LRP1B: variants seen among roughly 807,000 people sequenced by gnomAD.
LRP1B encodes low-density lipoprotein receptor-related protein 1B.
In LRP1B, 217 loss-of-function variants were observed where a neutral mutation model predicts 556.6. The ratio of observed to expected loss-of-function variants is 0.39; its 90% confidence interval spans 0.35 to 0.44. The LOEUF is 0.44. LRP1B is among the 20% of genes least tolerant of loss of function. LRP1B has a pLI of 1.00. For missense variants in LRP1B, 5,053 were observed against 5,620.8 expected (o/e 0.90, Z 3.23); for synonymous variants, 2,047 against 1,865.8 (o/e 1.10, Z -2.50).
intron 43 of LRP1B, among the ~76,000 whole-genome samples, chr2:140,594,545 A>G (rs1407140501): frequency 6.6e-6 from 1 of 152,192 alleles, no homozygotes; most frequent in Admixed American, 6.5e-5. Context: ...TCGAGGGCAC[A>G]CAAGGTCTAA....
At chr2:140,959,357 G>A (rs1213100516) in intron 18 of LRP1B, among the ~76,000 whole-genome samples, 2 of 151,410 alleles carry the variant, frequency 1.3e-5, no homozygotes, top group Non-Finnish European at 3.0e-5. Flanking sequence ...AACTGAATAG[G>A]AGATTCAAGT....
At chr2:140,657,685 A>G (rs1574203070) in intron 41 of LRP1B, among the ~76,000 whole-genome samples, 1 of 149,866 alleles carries the variant, frequency 6.7e-6, no homozygotes, top group East Asian at 1.9e-4. Context: ...ATATATAAAT[A>G]CAACATTATG....
At chr2:141,810,121 G>A (rs1168741829) in intron 2 of LRP1B, among the ~76,000 whole-genome samples, 158 bp downstream of exon 2, 1 of 86,586 alleles carries the variant, frequency 1.2e-5, no homozygotes, top group Non-Finnish European at 2.5e-5. Context: ...GAAAAAGAAA[G>A]AAAGAAAGAA....
intron 18 of LRP1B, among the ~76,000 whole-genome samples, chr2:140,970,227 T>G (rs763608070): frequency 7.2e-5 from 11 of 152,208 alleles, no homozygotes; most frequent in Admixed American, 1.3e-4. Context: ...CATTTCTTTT[T>G]ACTCTTTTTT....
chr2:141,786,444 T>A (rs567861427), intron 2 of LRP1B, among the ~76,000 whole-genome samples: 4 of 152,056 alleles, frequency 2.6e-5, no homozygotes, highest in Admixed American at 2.6e-4. Flanking sequence ...GAAAACCAAT[T>A]TGAATATGAA....
intron 2 of LRP1B, among the ~76,000 whole-genome samples, chr2:141,587,578 A>G (rs1206218516): frequency 6.6e-6 from 1 of 152,186 alleles, no homozygotes; most frequent in Non-Finnish European, 1.5e-5. Flanking sequence ...TGTGAATAAT[A>G]TGCAAAATTC....
intron 2 of LRP1B, among the ~76,000 whole-genome samples, chr2:141,769,030 T>C (rs778278293): frequency 6.6e-6 from 1 of 152,158 alleles, no homozygotes; most frequent in Non-Finnish European, 1.5e-5. Context: ...GAGGAAACCA[T>C]GAAATATTAT....
At chr2:141,945,680 C>A (rs1195704137) in intron 1 of LRP1B, among the ~76,000 whole-genome samples, 1 of 152,002 alleles carries the variant, frequency 6.6e-6, no homozygotes, top group African/African-American at 2.4e-5. Context: ...CATTACTAAA[C>A]AAATCATCTT....
intron 3 of LRP1B, among the ~76,000 whole-genome samples, chr2:141,293,396 G>A (rs999969450): frequency 2.6e-5 from 4 of 152,146 alleles, no homozygotes; most frequent in African/African-American, 9.7e-5. Context: ...CCCTCTCTCA[G>A]AGTCTGAATG....
intron 1 of LRP1B, among the ~76,000 whole-genome samples, chr2:141,889,513 C>T (rs1699219864): frequency 6.6e-6 from 1 of 152,106 alleles, no homozygotes; most frequent in African/African-American, 2.4e-5. Context: ...AGTATACCTA[C>T]AATGATTTGT....
intron 3 of LRP1B, among the ~76,000 whole-genome samples, chr2:141,318,800 T>C (rs1687122649): frequency 6.6e-6 from 1 of 152,126 alleles, no homozygotes; most frequent in African/African-American, 2.4e-5. Flanking sequence ...ATTTTGCAAA[T>C]ATTTTATTTA....
At chr2:140,744,462 T>C (rs935763472) in intron 35 of LRP1B, among the ~76,000 whole-genome samples, 1 of 152,138 alleles carries the variant, frequency 6.6e-6, no homozygotes, top group Non-Finnish European at 1.5e-5. Flanking sequence ...GTCATACATA[T>C]GGTCTAAGAA....
At chr2:141,830,207 T>C (rs537402885) in intron 1 of LRP1B, among the ~76,000 whole-genome samples, 1 of 151,966 alleles carries the variant, frequency 6.6e-6, no homozygotes, top group Non-Finnish European at 1.5e-5. Flanking sequence ...GCAGACTACT[T>C]ATAGAAGAAA....
At chr2:140,968,434 T>C (rs1178560013) in intron 18 of LRP1B, among the ~76,000 whole-genome samples, 2 of 152,102 alleles carry the variant, frequency 1.3e-5, no homozygotes, top group Non-Finnish European at 1.5e-5. Flanking sequence ...CTTATTAGTC[T>C]TGCTAGTGGT....
At chr2:140,936,045 A>G (rs1485462883) in intron 20 of LRP1B, among the ~76,000 whole-genome samples, 1 of 124,932 alleles carries the variant, frequency 8.0e-6, no homozygotes, top group Non-Finnish European at 1.9e-5. Flanking sequence ...TGTCAAAAGA[A>G]AAAAAAAAAC....
chr2:140,371,380 G>T, intron 69 of LRP1B, 95 bp from the exon 70 acceptor site: 4 of 533,932 alleles, frequency 7.5e-6, no homozygotes, highest in South Asian at 3.8e-5. Flanking sequence ...ATTTATAGAT[G>T]GTAATAAAAA....
intron 3 of LRP1B, among the ~76,000 whole-genome samples, chr2:141,315,270 T>C (rs944583706): frequency 1.5e-5 from 2 of 137,870 alleles, no homozygotes; most frequent in African/African-American, 5.4e-5. Context: ...TTTTTTTTTT[T>C]TTTTTTTGAG....
intron 31 of LRP1B, among the ~76,000 whole-genome samples, chr2:140,831,587 G>A (rs1445395782): frequency 6.6e-6 from 1 of 152,038 alleles, no homozygotes; most frequent in Non-Finnish European, 1.5e-5. Flanking sequence ...AAACATTTGG[G>A]CAACACTTCA....
Position 140,305,071 on chromosome 2 carries a change from G to A in LRP1B, c.12806-7102C>T, listed in dbSNP as rs1684008814. On this transcript the variant is annotated intron_variant, in intron 83 of 90. Coordinates refer to ENST00000389484, the MANE Select transcript of LRP1B (RefSeq NM_018557.3). Reference sequence around the variant, plus strand: ...TTGGTTACTGTAGCCTTGTAGTATAGTTTGAAGTCAGGTAGTGTGATGCCT... The same window carrying A: ...TTGGTTACTGTAGCCTTGTAGTATAATTTGAAGTCAGGTAGTGTGATGCCT... 1.3e-5 allele frequency among the ~76,000 whole-genome samples: 2 copies of A among 152,154 alleles called. 1 individual carries two copies. The highest frequency in any genetic ancestry group is 4.1e-4 in the South Asian group (2 of 4,826).
Sources: gnomAD v4.1 joint callset for allele counts (sites outside exome capture counted in the v4.1 genomes callset) on GRCh38, gnomAD v4.1.1 for gene constraint, MANE v1.5 for transcripts, NCBI Gene and HGNC (gene_info 2026-07-23, HGNC 2026-07-21) for gene names.